Variants in KIAA0825 observed in about 807,000 individuals in gnomAD.
The protein encoded by KIAA0825 is KIAA0825.
Under a neutral mutation model 147.6 loss-of-function variants are expected in KIAA0825, and 119 were observed. That is an observed-to-expected ratio of 0.81 (90% confidence interval 0.69 to 0.94). The LOEUF is 0.94. Among genes scored for constraint, KIAA0825 ranks in the 40% least tolerant of loss-of-function variants. The pLI is 0.00. For missense variants in KIAA0825, 1,381 were observed against 1,472.7 expected (o/e 0.94, Z 1.02); for synonymous variants, 470 against 518.1 (o/e 0.91, Z 1.26).
chr5:94,348,898 G>A (rs772845808), intron 20 of KIAA0825, among the ~76,000 whole-genome samples: 6 of 151,932 alleles, frequency 3.9e-5, no homozygotes, highest in African/African-American at 9.7e-5. Context: ...AATAAAATCC[G>A]AAGTACACAG....
At chr5:94,229,537 ATCT>A (rs1004914974) in intron 20 of KIAA0825, among the ~76,000 whole-genome samples, 7 of 149,260 alleles carry the variant, frequency 4.7e-5, no homozygotes, top group Non-Finnish European at 7.4e-5. Context: ...ATGTTTGGTA[ATCT>A]TCTTTCTGAC....
chr5:94,512,154 G>A (rs908558302), intron 5 of KIAA0825, among the ~76,000 whole-genome samples: 4 of 152,150 alleles, frequency 2.6e-5, no homozygotes, highest in African/African-American at 9.6e-5. Context: ...TTGTGGTATA[G>A]GAACAGACAT....
chr5:94,363,460 A>G (rs1446408558), intron 20 of KIAA0825, among the ~76,000 whole-genome samples: 1 of 152,208 alleles, frequency 6.6e-6, no homozygotes, highest in Non-Finnish European at 1.5e-5. Context: ...AACAGGACTG[A>G]TGTGTTACCT....
chr5:94,222,391 G>A (rs1019505850), intron 20 of KIAA0825, among the ~76,000 whole-genome samples: 3 of 152,164 alleles, frequency 2.0e-5, no homozygotes, highest in Non-Finnish European at 2.9e-5. Flanking sequence ...ATCAAGGAGT[G>A]CTGTTATTTT....
chr5:94,472,444 C>A (rs1761319292), intron 8 of KIAA0825, among the ~76,000 whole-genome samples: 1 of 152,122 alleles, frequency 6.6e-6, no homozygotes, highest in Admixed American at 6.6e-5. Flanking sequence ...GTCAAAAATT[C>A]TTTTAAGAAT....
chr5:94,527,930 C>G lies in KIAA0825; in HGVS notation c.132-3832G>C, dbSNP rs1401074441. ...CAGCCATGAAATGAAAACTTATTTT[C>G]CTGAAACAAAGACATTTCTGGATAA... On this transcript the variant is annotated intron_variant, in intron 3 of 20. Coordinates refer to ENST00000682413, the MANE Select transcript of KIAA0825 (RefSeq NM_001145678.3). Among the ~76,000 whole-genome samples the G allele has an allele frequency of 2.0e-5, 3 of 151,402 alleles. No homozygotes were observed. The East Asian group carries it at 5.8e-4, about 29-fold the overall frequency.
At chr5:94,555,446 A>G (rs1221178636) in intron 2 of KIAA0825, among the ~76,000 whole-genome samples, 2 of 152,120 alleles carry the variant, frequency 1.3e-5, no homozygotes, top group African/African-American at 4.8e-5. Flanking sequence ...TAGATTATCT[A>G]TATATATCTG....
At chr5:94,479,352 T>C (rs1762240346) in intron 6 of KIAA0825, among the ~76,000 whole-genome samples, 1 of 152,166 alleles carries the variant, frequency 6.6e-6, no homozygotes, top group Admixed American at 6.6e-5. Flanking sequence ...ATATAGTATG[T>C]AGCCTTTTCA....
chr5:94,327,061 G>A (rs1220259240), intron 20 of KIAA0825, among the ~76,000 whole-genome samples: 5 of 152,156 alleles, frequency 3.3e-5, no homozygotes, highest in African/African-American at 9.7e-5. Flanking sequence ...GAAGCTGAAC[G>A]CTGGTGTTTG....
chr5:94,285,689 A>G (rs570732487), intron 20 of KIAA0825, among the ~76,000 whole-genome samples: 2 of 152,308 alleles, frequency 1.3e-5, no homozygotes, highest in Admixed American at 1.3e-4. Flanking sequence ...TTCCTTGGCT[A>G]TTGCCTAGGT....
intron 20 of KIAA0825, among the ~76,000 whole-genome samples, chr5:94,349,876 T>C (rs540912602): frequency 6.6e-6 from 1 of 151,914 alleles, no homozygotes; most frequent in East Asian, 1.9e-4. Context: ...CTCAAGGAAC[T>C]AGAGAAACAA....
At chr5:94,420,839 C>T (rs1465720760) in intron 14 of KIAA0825, among the ~76,000 whole-genome samples, 4 of 152,154 alleles carry the variant, frequency 2.6e-5, no homozygotes. Flanking sequence ...GAAAGAAATA[C>T]ATCTCTTGAG....
intron 14 of KIAA0825, among the ~76,000 whole-genome samples, chr5:94,436,562 C>T (rs1756400684): frequency 6.6e-6 from 1 of 152,122 alleles, no homozygotes; most frequent in Admixed American, 6.6e-5. Flanking sequence ...CATGATGCCT[C>T]CAGCTTTGTT....
chr5:94,426,598 A>T (rs1218376734), intron 14 of KIAA0825, among the ~76,000 whole-genome samples: 1 of 152,220 alleles, frequency 6.6e-6, no homozygotes, highest in Non-Finnish European at 1.5e-5. Context: ...GTTACTGGCT[A>T]CAAACATACA....
chr5:94,577,485 C>A (rs1781289726), intron 2 of KIAA0825, among the ~76,000 whole-genome samples: 2 of 152,200 alleles, frequency 1.3e-5, no homozygotes, highest in Admixed American at 6.5e-5. Flanking sequence ...ACCAGGGACA[C>A]TTGCTAAAAA....
At chr5:94,537,378 G>A (rs1395651761) in intron 2 of KIAA0825, among the ~76,000 whole-genome samples, 1 of 152,160 alleles carries the variant, frequency 6.6e-6, no homozygotes, top group African/African-American at 2.4e-5. Context: ...AGGGCCGGGC[G>A]CGGTGGCTCA....
chr5:94,519,591 C>A (rs1767785694), intron 5 of KIAA0825: 2 of 599,698 alleles, frequency 3.3e-6, no homozygotes, highest in Admixed American at 1.3e-4. Flanking sequence ...AGTAGAGAAA[C>A]TTTAAAAATA....
At chr5:94,167,297 T>C (rs1227890696) in intron 20 of KIAA0825, among the ~76,000 whole-genome samples, 1 of 152,218 alleles carries the variant, frequency 6.6e-6, no homozygotes, top group East Asian at 1.9e-4. Context: ...ATTGTTCTTT[T>C]TAGGTAACTC....
At chr5:94,595,271 A>G (rs2152403385) in intron 1 of KIAA0825, among the ~76,000 whole-genome samples, 1 of 152,244 alleles carries the variant, frequency 6.6e-6, no homozygotes, top group East Asian at 1.9e-4. Flanking sequence ...ATACATTTCC[A>G]TACATCTCTG....
Sources: allele counts gnomAD v4.1 joint callset (sites outside exome capture counted in the v4.1 genomes callset), GRCh38; gene constraint gnomAD v4.1.1; transcripts MANE v1.5; gene names NCBI Gene and HGNC (gene_info 2026-07-23, HGNC 2026-07-21).